Variants in HTR1F observed in about 807,000 individuals in gnomAD.
The protein encoded by HTR1F is 5-hydroxytryptamine (serotonin) receptor 1F, G protein-coupled.
Under a neutral mutation model 24.0 loss-of-function variants are expected in HTR1F, and 17 were observed. The ratio of observed to expected loss-of-function variants is 0.71; its 90% confidence interval spans 0.48 to 1.06. The LOEUF is 1.06. Among genes scored for constraint, HTR1F ranks in the 50% least tolerant of loss-of-function variants. HTR1F has a pLI of 0.00. For missense variants in HTR1F, 391 were observed against 427.8 expected, an observed-to-expected ratio of 0.91 and a Z score of 0.76; for synonymous variants, 186 against 156.8, an observed-to-expected ratio of 1.19 and a Z score of -1.39.
chr3:87,923,747 GAGA>G (rs1420311526), intron 2 of HTR1F, among the ~76,000 whole-genome samples: 1 of 151,832 alleles, frequency 6.6e-6, no homozygotes, highest in African/African-American at 2.4e-5. Context: ...TGCATCTGTT[GAGA>G]AGATTTATTT....
chr3:87,991,694 T>G lies in HTR1F; in HGVS notation c.945T>G (p.Val315=). 6.2e-7 allele frequency: 1 copy of G among 1,613,806 alleles called. No homozygotes were observed. Among genetic ancestry groups the G allele is most frequent in the Non-Finnish European group, 8.5e-7 (1 of 1,179,860 alleles). Residue 315 remains valine, a synonymous_variant, in exon 3 of 3, where the codon GTT becomes GTG. Transcript: ENST00000319595. ...CWLPFFVKEL[V]VNVCDKCKIS... is the part of the protein sequence containing the mutation. ...TTCCTTTTTTTGTAAAAGAATTAGT[T>G]GTTAATGTCTGTGACAAATGTAAAA... is the stretch of plus-strand genomic sequence containing the variant.
chr3:87,832,473 G>T (rs557545676), intron 2 of HTR1F, among the ~76,000 whole-genome samples: 1 of 151,892 alleles, frequency 6.6e-6, no homozygotes, highest in Non-Finnish European at 1.5e-5. Context: ...GACTACAGGC[G>T]CACGCCGCCA....
At chr3:87,981,002 G>T (rs908938949) in intron 2 of HTR1F, among the ~76,000 whole-genome samples, 1 of 152,012 alleles carries the variant, frequency 6.6e-6, no homozygotes, top group East Asian at 1.9e-4. Flanking sequence ...CACCTGGGGG[G>T]GTGGGGCTCC....
chr3:87,971,932 G>T (rs1705294378), intron 2 of HTR1F, among the ~76,000 whole-genome samples: 1 of 152,124 alleles, frequency 6.6e-6, no homozygotes, highest in African/African-American at 2.4e-5. Context: ...TATACTTATA[G>T]GGGAAGTTCT....
At chr3:87,939,435 T>C (rs567605501) in intron 2 of HTR1F, among the ~76,000 whole-genome samples, 1 of 152,206 alleles carries the variant, frequency 6.6e-6, no homozygotes, top group Non-Finnish European at 1.5e-5. Flanking sequence ...TTTGGAATAA[T>C]TTCAGAAGGA....
At chr3:87,818,534 G>A (rs1318694263) in intron 1 of HTR1F, among the ~76,000 whole-genome samples, 1 of 152,106 alleles carries the variant, frequency 6.6e-6, no homozygotes, top group Admixed American at 6.5e-5. Context: ...TGTCATCCTA[G>A]GTGTGCACTT....
intron 1 of HTR1F, among the ~76,000 whole-genome samples, chr3:87,806,946 T>C (rs1046276285): frequency 1.3e-5 from 2 of 152,016 alleles, no homozygotes; most frequent in African/African-American, 2.4e-5. Context: ...TGTAAATATG[T>C]AGATTTATTT....
intron 2 of HTR1F, among the ~76,000 whole-genome samples, chr3:87,852,954 A>G (rs1705119323): frequency 6.8e-6 from 1 of 147,432 alleles, no homozygotes; most frequent in Non-Finnish European, 1.5e-5. Context: ...GGTTTAACTA[A>G]CATTGTAGTG....
Position 87,908,288 on chromosome 3 carries a change from A to G in HTR1F, c.-42-82420A>G, listed in dbSNP as rs577222915. ...AAACAAAAAGAAGTAGATTGATATC[A>G]CTTAAATTAAAAACCAGTGAATTTT... is the stretch of plus-strand genomic sequence containing the variant. On this transcript the variant is annotated intron_variant, in intron 2 of 2. Transcript: ENST00000319595. 5.1e-4 allele frequency among the ~76,000 whole-genome samples: 77 copies of G among 152,136 alleles called. 1 individual carries two copies. Among genetic ancestry groups the G allele is most frequent in the Non-Finnish European group, 7.2e-4 (49 of 67,926 alleles).
At chr3:87,865,061 A>G (rs1389022479) in intron 2 of HTR1F, among the ~76,000 whole-genome samples, 1 of 152,142 alleles carries the variant, frequency 6.6e-6, no homozygotes, top group African/African-American at 2.4e-5. Context: ...AAGATAAAAT[A>G]TAACTGTCAT....
intron 2 of HTR1F, among the ~76,000 whole-genome samples, chr3:87,831,351 T>C (rs1430402118): frequency 6.8e-6 from 1 of 147,068 alleles, no homozygotes; most frequent in Non-Finnish European, 1.5e-5. Flanking sequence ...TTATTATTAT[T>C]ATTATTATTA....
At chr3:87,917,505 G>T (rs545355169) in intron 2 of HTR1F, among the ~76,000 whole-genome samples, 1 of 151,484 alleles carries the variant, frequency 6.6e-6, no homozygotes, top group Non-Finnish European at 1.5e-5. Context: ...ATCTAAATAA[G>T]GTCAATAAGA....
Position 87,811,772 on chromosome 3 carries a change from G to A in HTR1F, c.-159-10236G>A, listed in dbSNP as rs986719419. Among the ~76,000 whole-genome samples, 23 of 152,092 alleles carry A rather than the reference G, an allele frequency of 1.5e-4. No individual in the cohort carries two copies. The East Asian group carries it at 1.5e-3, about 10-fold the overall frequency. ...ATGTGTCCAGTGATTCTCATGAGCC[G>A]GTGAAAGTCATCTCCAAATGATATG... On this transcript the variant is annotated intron_variant, in intron 1 of 2. Coordinates refer to ENST00000319595, the MANE Select transcript of HTR1F (RefSeq NM_001322209.2).
At chr3:87,887,889 A>G (rs1468493681) in intron 2 of HTR1F, among the ~76,000 whole-genome samples, 1 of 144,218 alleles carries the variant, frequency 6.9e-6, no homozygotes, top group Non-Finnish European at 1.6e-5. Context: ...AACTAGTTCA[A>G]CCCTTGTGGA....
chr3:87,949,973 C>T (rs1576079466), intron 2 of HTR1F, among the ~76,000 whole-genome samples: 1 of 152,278 alleles, frequency 6.6e-6, no homozygotes, highest in Non-Finnish European at 1.5e-5. Context: ...GGTATCTGCT[C>T]AGCTTCTGAT....
chr3:87,931,677 T>G (rs1021402251), intron 2 of HTR1F, among the ~76,000 whole-genome samples: 1 of 151,978 alleles, frequency 6.6e-6, no homozygotes, highest in African/African-American at 2.4e-5. Context: ...AGTGTAAAAG[T>G]GTTCCTATTT....
At chr3:87,949,500 T>A (rs1200251602) in intron 2 of HTR1F, among the ~76,000 whole-genome samples, 1 of 152,218 alleles carries the variant, frequency 6.6e-6, no homozygotes, top group African/African-American at 2.4e-5. Context: ...ACAAGTGACA[T>A]TGAGAAAGCA....
intron 2 of HTR1F, among the ~76,000 whole-genome samples, chr3:87,894,287 C>A (rs1186962980): frequency 6.6e-6 from 1 of 152,128 alleles, no homozygotes; most frequent in African/African-American, 2.4e-5. Flanking sequence ...GACAGAGTCT[C>A]ACTCTGTCAT....
At chr3:87,796,549 C>G (rs1282129274) in intron 1 of HTR1F, among the ~76,000 whole-genome samples, 1 of 151,642 alleles carries the variant, frequency 6.6e-6, no homozygotes, top group Non-Finnish European at 1.5e-5. Flanking sequence ...TAGAGCAGTC[C>G]AAAATATGGA....
Sources: allele counts gnomAD v4.1 joint callset (sites outside exome capture counted in the v4.1 genomes callset), GRCh38; gene constraint gnomAD v4.1.1; transcripts MANE v1.5; gene names NCBI Gene and HGNC (gene_info 2026-07-23, HGNC 2026-07-21).